Variants in NMNAT2 observed in about 807,000 individuals in gnomAD.
NMNAT2 encodes nicotinamide nucleotide adenylyltransferase 2.
NMNAT2 carries 11 observed loss-of-function variants against 41.6 expected under a neutral mutation model. That is an observed-to-expected ratio of 0.26 (90% CI 0.17 to 0.44). The LOEUF is 0.44. Ranked by LOEUF, NMNAT2 falls within the 20% of genes least tolerant of loss-of-function variation. The pLI is 1.00. For missense variants in NMNAT2, 288 were observed against 407.7 expected (o/e 0.71, Z 2.53); for synonymous variants, 148 against 151.2 (o/e 0.98, Z 0.16).
intron 1 of NMNAT2, among the ~76,000 whole-genome samples, chr1:183,300,421 A>G (rs879442437): frequency 6.6e-6 from 1 of 151,000 alleles, no homozygotes; most frequent in Non-Finnish European, 1.5e-5. Context: ...AAAAAAGAAA[A>G]AAAAAAAAAG....
chr1:183,268,042 C>T (rs1371372158), intron 8 of NMNAT2, among the ~76,000 whole-genome samples: 1 of 152,026 alleles, frequency 6.6e-6, no homozygotes, highest in Non-Finnish European at 1.5e-5. Flanking sequence ...ATCTTCTGGT[C>T]AAAGGCTCCC....
At chr1:183,305,841 C>T (rs1384753966) in intron 1 of NMNAT2, among the ~76,000 whole-genome samples, 1 of 151,430 alleles carries the variant, frequency 6.6e-6, no homozygotes, top group Non-Finnish European at 1.5e-5. Context: ...CCGCCTTAGC[C>T]TTCCAAGTAG....
At chr1:183,408,996 T>C (rs1459344070) in intron 1 of NMNAT2, among the ~76,000 whole-genome samples, 1 of 152,184 alleles carries the variant, frequency 6.6e-6, no homozygotes, top group Admixed American at 6.5e-5. Context: ...TTCATCTCAG[T>C]GCTCCATGGA....
rs531830194 is a variant in NMNAT2, at chr1:183,336,179, T to A, written c.86-42386A>T. The stretch of plus-strand genomic sequence containing the variant: ...TAGTGTTACTAGAGTAGTGCCACAA[T>A]CAAATCTAAGCCTAATAGACTAGGA... On this transcript the variant is annotated intron_variant, in intron 1 of 10. Coordinates refer to ENST00000287713, the MANE Select transcript of NMNAT2 (RefSeq NM_015039.4). 2.7e-3 allele frequency among the ~76,000 whole-genome samples: 413 copies of A among 152,246 alleles called. 1 individual carries two copies. Among genetic ancestry groups the A allele is most frequent in the African/African-American group, 9.4e-3 (389 of 41,536 alleles).
intron 1 of NMNAT2, among the ~76,000 whole-genome samples, chr1:183,398,071 A>T (rs1176831870): frequency 2.0e-5 from 3 of 152,204 alleles, no homozygotes; most frequent in Non-Finnish European, 4.4e-5. Flanking sequence ...CATTAACCTT[A>T]AATGTAAATG....
chr1:183,290,415 T>C (rs1181861298), intron 3 of NMNAT2, among the ~76,000 whole-genome samples: 2 of 152,196 alleles, frequency 1.3e-5, no homozygotes, highest in Non-Finnish European at 1.5e-5. Context: ...CATAGGCTTA[T>C]GAGAAGAGAT....
chr1:183,273,616 C>A (rs1282135536), intron 8 of NMNAT2, among the ~76,000 whole-genome samples: 1 of 152,202 alleles, frequency 6.6e-6, no homozygotes, highest in African/African-American at 2.4e-5. Flanking sequence ...TTTTCCAGAC[C>A]TTGAGATCCA....
intron 1 of NMNAT2, among the ~76,000 whole-genome samples, chr1:183,391,172 T>C (rs529234264): frequency 6.6e-6 from 1 of 152,288 alleles, no homozygotes; most frequent in Non-Finnish European, 1.5e-5. Flanking sequence ...GCTTCTTCTC[T>C]CTTCAAATCC....
intron 8 of NMNAT2, among the ~76,000 whole-genome samples, chr1:183,265,105 T>A (rs1327799023): frequency 6.6e-6 from 1 of 152,164 alleles, no homozygotes; most frequent in Non-Finnish European, 1.5e-5. Flanking sequence ...GCCTTCTCAA[T>A]ATGCCCACTT....
intron 1 of NMNAT2, among the ~76,000 whole-genome samples, chr1:183,324,389 T>C (rs1160491183): frequency 1.3e-5 from 2 of 152,132 alleles, no homozygotes; most frequent in African/African-American, 4.8e-5. Context: ...TAAATAAAAT[T>C]AAATGTTTGC....
In NMNAT2 at chr1:183,292,937, A is replaced by T. The variant is rs564730738; in HGVS notation, c.175-80T>A. ...TTGGGATACCAGCCCAAGCCCACCC[A>T]TTGTTAAAGTGCAGCCATTTTTCAG... On this transcript the variant is annotated intron_variant, in intron 2 of 10. Transcript: ENST00000287713. 31 of 1,327,910 alleles carry T rather than the reference A, an allele frequency of 2.3e-5. No individual in the cohort carries two copies. In the East Asian group the frequency reaches 6.0e-4, roughly 26 times the overall value. 82.3% of individuals were successfully genotyped at this position (1,327,910 alleles called of 1,614,324 possible).
At chr1:183,305,848 G>A (rs933170924) in intron 1 of NMNAT2, among the ~76,000 whole-genome samples, 1 of 150,962 alleles carries the variant, frequency 6.6e-6, no homozygotes, top group East Asian at 2.0e-4. Flanking sequence ...AGCCTTCCAA[G>A]TAGCTGGGAT....
intron 1 of NMNAT2, among the ~76,000 whole-genome samples, chr1:183,411,890 TGAG>T (rs1649127246): frequency 1.3e-5 from 2 of 151,916 alleles, no homozygotes; most frequent in African/African-American, 4.8e-5. Context: ...AAGTGGACAA[TGAG>T]GAGAAGGTTA....
At chr1:183,378,803 G>T (rs1320622739) in intron 1 of NMNAT2, among the ~76,000 whole-genome samples, 1 of 6,226 alleles carries the variant, frequency 1.6e-4, no homozygotes, top group African/African-American at 2.3e-3. Flanking sequence ...CAGCACTTTG[G>T]GAGGCCATGG....
intron 1 of NMNAT2, among the ~76,000 whole-genome samples, chr1:183,373,047 C>T (rs569762175): frequency 6.6e-6 from 1 of 152,334 alleles, no homozygotes; most frequent in East Asian, 1.9e-4. Context: ...CTGCAGCTGA[C>T]AGACTCTAAA....
intron 1 of NMNAT2, among the ~76,000 whole-genome samples, chr1:183,360,523 A>T (rs1663285578): frequency 6.6e-6 from 1 of 152,186 alleles, no homozygotes; most frequent in Non-Finnish European, 1.5e-5. Context: ...GGAAGACCCC[A>T]CTTGGAGGCC....
At chr1:183,296,102 G>A (rs531183940) in intron 1 of NMNAT2, among the ~76,000 whole-genome samples, 122 of 152,132 alleles carry the variant, frequency 8.0e-4, no homozygotes, top group Middle Eastern at 6.8e-3. Flanking sequence ...CGCCTGCCAC[G>A]GCCTCCCAAA....
intron 9 of NMNAT2, 36 bp from the exon 10 acceptor site, chr1:183,261,105 C>A: frequency 6.2e-7 from 1 of 1,606,530 alleles, no homozygotes; most frequent in Non-Finnish European, 8.5e-7. Flanking sequence ...TTGCCAGTCC[C>A]TCCCACTAAA....
At chr1:183,406,484 C>T (rs2788064) in intron 1 of NMNAT2, among the ~76,000 whole-genome samples, 5,240 of 152,132 alleles carry the variant, frequency 0.034, 221 homozygotes, top group African/African-American at 0.11. Context: ...TGCAATTGTG[C>T]CAAATGCTAT....
Sources: allele counts gnomAD v4.1 joint callset (sites outside exome capture counted in the v4.1 genomes callset), GRCh38; gene constraint gnomAD v4.1.1; transcripts MANE v1.5; gene names NCBI Gene and HGNC (gene_info 2026-07-23, HGNC 2026-07-21).